PCDHA2: variants seen among roughly 807,000 people sequenced by gnomAD.
PCDHA2 encodes protocadherin alpha 2, also known as protocadherin alpha-2.
Under a neutral mutation model 66.0 loss-of-function variants are expected in PCDHA2, and 58 were observed. The observed-to-expected ratio is 0.88, with a 90% CI of 0.71 to 1.09. PCDHA2 has a LOEUF of 1.09. Among genes scored for constraint, PCDHA2 ranks in the 50% least tolerant of loss-of-function variants. The pLI is 0.00. For synonymous variants in PCDHA2, 634 were observed against 554.0 expected, an observed-to-expected ratio of 1.14 and a Z score of -2.03; for missense variants, 1,267 against 1,242.3, an observed-to-expected ratio of 1.02 and a Z score of -0.30.
chr5:140,871,712 A>G, intron 1 of PCDHA2: 1 of 805,086 alleles, frequency 1.2e-6, no homozygotes, highest in South Asian at 2.2e-5. Context: ...TAAATGTCCT[A>G]TTTCTCTTAA....
At position 140,850,694 on chromosome 5, in the gene PCDHA2, G is replaced by T. The variant is rs2150494629; in HGVS notation, c.2388+53342G>T. The T allele has an allele frequency of 5.6e-6, 9 of 1,598,344 alleles. 1 individual carries two copies. The Admixed American group carries it at 8.4e-5, about 15-fold the overall frequency. On this transcript the variant is annotated intron_variant, in intron 1 of 3. Coordinates refer to ENST00000526136, the MANE Select transcript of PCDHA2 (RefSeq NM_018905.3). ...CGATGCCCACCGAGGGCGAGTGCGC[G>T]CCTGGCAAGCCGACGCTGGTGTGTT...
rs143891810 is a variant in PCDHA2 at position 140,808,404 on chromosome 5, C to T, written c.2388+11052C>T. On this transcript the variant is annotated intron_variant, in intron 1 of 3. Transcript: ENST00000526136. ...GTGTCCACCTTCAAGAATTACTACT[C>T]GTTGGTGCTGGACAGTGCCCTGGAC... The T allele has an allele frequency of 4.0e-3, 6,405 of 1,614,158 alleles. 12 individuals are homozygous for T. The highest frequency in any genetic ancestry group is 4.7e-3 in the Non-Finnish European group (5,490 of 1,180,036).
At chr5:140,829,864 G>A in intron 1 of PCDHA2, 3 of 1,613,940 alleles carry the variant, frequency 1.9e-6, no homozygotes, top group Non-Finnish European at 2.5e-6. Flanking sequence ...GCCAAGTGGT[G>A]GCGAAGGTGC....
chr5:140,855,239 A>T (rs1315147782), intron 1 of PCDHA2, among the ~76,000 whole-genome samples: 1 of 149,864 alleles, frequency 6.7e-6, no homozygotes, highest in Non-Finnish European at 1.5e-5. Flanking sequence ...TTAAGGTACT[A>T]TTGCAAGCAC....
chr5:140,906,593 T>C (rs2072768257), intron 1 of PCDHA2, among the ~76,000 whole-genome samples: 1 of 152,242 alleles, frequency 6.6e-6, no homozygotes, highest in Admixed American at 6.5e-5. Flanking sequence ...TACCTTCCTC[T>C]ACTACTCATT....
At chr5:140,802,485 G>A (rs782408810) in intron 1 of PCDHA2, 1 of 1,614,166 alleles carries the variant, frequency 6.2e-7, no homozygotes, top group Non-Finnish European at 8.5e-7. Context: ...TGCTCGGGAC[G>A]GGGGCTCGCC....
At chr5:140,836,666 G>T (rs1774663791) in intron 1 of PCDHA2, 1 of 1,613,284 alleles carries the variant, frequency 6.2e-7, no homozygotes, top group African/African-American at 1.3e-5. Context: ...TGTGCTCTGG[G>T]GAGGGCCCAC....
intron 1 of PCDHA2, among the ~76,000 whole-genome samples, chr5:140,839,959 T>C (rs1776495243): frequency 6.6e-6 from 1 of 151,872 alleles, no homozygotes; most frequent in South Asian, 2.1e-4. Context: ...ACATATTTTC[T>C]GTAAAATATG....
intron 1 of PCDHA2, chr5:140,842,702 A>G (rs1554139288): frequency 2.5e-6 from 4 of 1,595,028 alleles, no homozygotes; most frequent in Non-Finnish European, 1.7e-6. Flanking sequence ...GCCCGAGTAC[A>G]CGGTGTTCGT....
At chr5:140,853,040 G>C in intron 1 of PCDHA2, 2 of 265,518 alleles carry the variant, frequency 7.5e-6, no homozygotes, top group Non-Finnish European at 1.2e-5. Context: ...CACCATGCCC[G>C]CCTAATTTTT....
At chr5:140,929,386 GAA>G in intron 1 of PCDHA2, 1 of 1,511,328 alleles carries the variant, frequency 6.6e-7, no homozygotes, top group Non-Finnish European at 8.9e-7. Context: ...GCTGTGTTTT[GAA>G]ATATTTCTTA....
chr5:140,930,925 G>T (rs1271801364), intron 1 of PCDHA2, among the ~76,000 whole-genome samples: 7 of 152,158 alleles, frequency 4.6e-5, no homozygotes, highest in Admixed American at 4.6e-4. Flanking sequence ...ATGTGTATAT[G>T]TGGTTAACAG....
intron 1 of PCDHA2, chr5:140,883,939 C>T (rs782266148): frequency 6.2e-7 from 1 of 1,613,422 alleles, no homozygotes; most frequent in Non-Finnish European, 8.5e-7. Context: ...TCGTGCTGGA[C>T]GAGAACGACA....
At chr5:140,875,399 C>T (rs62622796) in intron 1 of PCDHA2, 40,992 of 1,482,866 alleles carry the variant, frequency 0.028, 731 homozygotes, top group Non-Finnish European at 0.032. Flanking sequence ...AAAAGGGTGA[C>T]TGCTCATAAA....
intron 1 of PCDHA2, among the ~76,000 whole-genome samples, chr5:140,918,591 A>G (rs1554198702): frequency 6.6e-6 from 1 of 152,238 alleles, no homozygotes; most frequent in African/African-American, 2.4e-5. Context: ...TATATGTTCT[A>G]TAGATGTTGC....
intron 1 of PCDHA2, chr5:140,875,402 CT>C (rs2055455404): frequency 6.7e-7 from 1 of 1,488,754 alleles, no homozygotes; most frequent in African/African-American, 1.4e-5. Flanking sequence ...AGGGTGACTG[CT>C]CATAAAATAC....
chr5:140,859,468 C>T, intron 1 of PCDHA2: 1 of 211,932 alleles, frequency 4.7e-6, no homozygotes, highest in Non-Finnish European at 9.2e-6. Flanking sequence ...ACTACACTAT[C>T]AATTGTGTTT....
intron 1 of PCDHA2, chr5:140,848,253 T>C (rs1021743216): frequency 2.3e-5 from 11 of 469,010 alleles, no homozygotes; most frequent in African/African-American, 2.1e-4. Flanking sequence ...AGAATAACTG[T>C]GAAATTTTTA....
At chr5:140,834,585 T>C in intron 1 of PCDHA2, 1 of 1,614,126 alleles carries the variant, frequency 6.2e-7, no homozygotes, top group South Asian at 1.1e-5. Context: ...CCGGGCGGTG[T>C]GCAAATTCCG....
Sources: allele counts gnomAD v4.1 joint callset (sites outside exome capture counted in the v4.1 genomes callset), GRCh38; gene constraint gnomAD v4.1.1; transcripts MANE v1.5; gene names NCBI Gene and HGNC (gene_info 2026-07-23, HGNC 2026-07-21).